Variants in ZNF676 observed in about 807,000 individuals in gnomAD.
ZNF676 encodes zinc finger protein 676.
A neutral mutation model predicts 6.0 loss-of-function variants in ZNF676; 4 were observed. The ratio of observed to expected loss-of-function variants is 0.67; its 90% CI spans 0.33 to 1.53. The LOEUF is 1.53. Ranked by LOEUF, ZNF676 falls within the 40% of genes most tolerant of loss-of-function variation. The pLI is 0.06. For synonymous variants in ZNF676, 198 were observed against 223.1 expected, an observed-to-expected ratio of 0.89 and a Z score of 1.00; for missense variants, 644 against 679.7, an observed-to-expected ratio of 0.95 and a Z score of 0.58.
At chr19:22,183,073 T>G (rs1434413011) in intron 2 of ZNF676, among the ~76,000 whole-genome samples, 1 of 152,080 alleles carries the variant, frequency 6.6e-6, no homozygotes, top group African/African-American at 2.4e-5. Flanking sequence ...TAAAATATAT[T>G]GTTTTATTTT....
At chr19:22,255,435 T>G in the ZNF676 span, among the ~76,000 whole-genome samples, 1 of 152,324 alleles carries the variant, frequency 6.6e-6, no homozygotes, top group East Asian at 1.9e-4. Flanking sequence ...ATTTTCATGC[T>G]GGTATAAACC....
chr19:22,246,219 T>C, the ZNF676 span, among the ~76,000 whole-genome samples: 4 of 152,104 alleles, frequency 2.6e-5, no homozygotes, highest in South Asian at 6.2e-4. Context: ...GCAGGGCCCA[T>C]GCAGAAGAGT....
chr19:22,235,245 G>A, the ZNF676 span, among the ~76,000 whole-genome samples: 4 of 152,142 alleles, frequency 2.6e-5, no homozygotes, highest in African/African-American at 7.2e-5. Flanking sequence ...ATTTTTCACC[G>A]ACACCTCAAG....
At chr19:22,236,839 C>A in the ZNF676 span, among the ~76,000 whole-genome samples, 8 of 152,236 alleles carry the variant, frequency 5.3e-5, no homozygotes, top group Non-Finnish European at 1.0e-4. Context: ...AGAAGTCAGA[C>A]TATTCTGATT....
chr19:22,181,191 T>C lies in ZNF676; in HGVS notation c.526A>G (p.Lys176Glu), dbSNP rs768436729. The C allele has an allele frequency of 3.7e-6, 6 of 1,613,990 alleles. No individual in the cohort carries two copies. Among genetic ancestry groups the C allele is most frequent in the Non-Finnish European group, 5.1e-6 (6 of 1,179,928 alleles). The change falls in exon 3 of 3, where the codon AAA becomes GAA. Residue 176 changes from lysine (K) to glutamate (E), a missense_variant. Lys to Glu is a moderately conservative substitution (Grantham distance 56). This residue lies in a region of ZNF676 where 280 missense variants were observed against 269.3 expected (regional missense o/e 1.04). Coordinates refer to ENST00000397121, the MANE Select transcript of ZNF676 (RefSeq NM_001001411.3). ...AGGGTTGAGGACCAGTTAAAAGCTT[T>C]GCCATTTTCTTCACATTTGTAGGAA... ...ENSYKCEENG[K>E]AFNWSSTLTY...
intron 1 of ZNF676, among the ~76,000 whole-genome samples, chr19:22,195,332 T>A (rs1181479443): frequency 2.0e-5 from 3 of 152,182 alleles, no homozygotes; most frequent in Admixed American, 1.3e-4. Flanking sequence ...GCCCCCGTCT[T>A]GGCACATTTT....
the ZNF676 span, among the ~76,000 whole-genome samples, chr19:22,237,977 C>T: frequency 6.6e-6 from 1 of 152,152 alleles, no homozygotes; most frequent in Non-Finnish European, 1.5e-5. Flanking sequence ...AGATGAGACT[C>T]TCACACAGGG....
upstream of ZNF676, among the ~76,000 whole-genome samples, chr19:22,216,493 T>A (rs1393974669): frequency 6.6e-6 from 1 of 152,122 alleles, no homozygotes; most frequent in Non-Finnish European, 1.5e-5. Flanking sequence ...ACAAAAAAGC[T>A]AAACCTAATG....
chr19:22,227,354 C>T, the ZNF676 span, among the ~76,000 whole-genome samples: 2 of 152,060 alleles, frequency 1.3e-5, no homozygotes, highest in Non-Finnish European at 2.9e-5. Flanking sequence ...GGGTCACAGA[C>T]AAAGCAGTGC....
chr19:22,255,995 A>G, the ZNF676 span, among the ~76,000 whole-genome samples: 2 of 152,292 alleles, frequency 1.3e-5, no homozygotes, highest in East Asian at 3.9e-4. Flanking sequence ...GAGGGTCACA[A>G]TTTTAACAGG....
chr19:22,242,595 T>C, the ZNF676 span, among the ~76,000 whole-genome samples: 1 of 151,938 alleles, frequency 6.6e-6, no homozygotes, highest in Non-Finnish European at 1.5e-5. Context: ...ATAACTTAGA[T>C]GCTGAGCCTA....
In ZNF676 at chr19:22,179,646, A is replaced by C. The variant is rs2023698609; in HGVS notation, c.*304T>G. The C allele has an allele frequency of 3.7e-6, 2 of 546,874 alleles. No individual in the cohort carries two copies. The highest frequency in any genetic ancestry group is 6.8e-6 in the Non-Finnish European group (2 of 295,372). The allele number at this position is 546,874 out of a possible 1,614,324, so 33.9% of individuals were successfully genotyped here. On this transcript the variant is annotated 3_prime_UTR_variant, in exon 3 of 3. Coordinates refer to ENST00000397121, the MANE Select transcript of ZNF676 (RefSeq NM_001001411.3). Reference sequence around the variant, plus strand: ...CTTTTCCTCCAGTATGAATTCTTTTATGAGTAGTAAGGTGTGAGGAACAGT... The same window carrying C: ...CTTTTCCTCCAGTATGAATTCTTTTCTGAGTAGTAAGGTGTGAGGAACAGT...
rs2023718073 is a variant in ZNF676, at chr19:22,180,424, G to A, written c.1293C>T (p.Ser431=). The A allele has an allele frequency of 6.2e-7, 1 of 1,612,694 alleles. No individual in the cohort carries two copies. The highest frequency in any genetic ancestry group is 1.3e-5 in the African/African-American group (1 of 74,682). The part of the protein sequence containing the change: ...YKCEECGKAF[S]WSSSLTEHKR... ...TGTGTTCAGTAAGGCTTGAGGACCAGCTGAAGGCTTTGCCACATTCTTCAC... is the reference window on the plus strand; with the variant it reads ...TGTGTTCAGTAAGGCTTGAGGACCAACTGAAGGCTTTGCCACATTCTTCAC... Residue 431 remains serine, a synonymous_variant, in exon 3 of 3, where the codon AGC becomes AGT. Coordinates refer to ENST00000397121, the MANE Select transcript of ZNF676 (RefSeq NM_001001411.3).
Position 22,180,648 on chromosome 19 carries a change from T to A in ZNF676, c.1069A>T (p.Ile357Phe). 1 of 1,612,690 alleles carries A rather than the reference T, an allele frequency of 6.2e-7. No homozygotes were observed. The highest frequency in any genetic ancestry group is 2.2e-5 in the East Asian group (1 of 44,798). ...TAGGGTTTCTCTCCAGTATGAATAA[T>A]CTTATGTTTAGTAAGGATTGAGGAT... ...NRSSILTKHK[I>F]IHTGEKPYKC... Residue 357 changes from isoleucine (I) to phenylalanine (F), a missense_variant, in exon 3 of 3, where the codon ATT becomes TTT. Physicochemically the swap from Ile to Phe is conservative, Grantham distance 21. Coordinates refer to ENST00000397121, the MANE Select transcript of ZNF676 (RefSeq NM_001001411.3).
Position 22,179,602 on chromosome 19 carries a change from G to T in ZNF676, c.*348C>A. The T allele has an allele frequency of 4.6e-6, 2 of 437,170 alleles. No homozygotes were observed. The highest frequency in any genetic ancestry group is 5.4e-5 in the East Asian group (1 of 18,478). 27.1% of individuals were successfully genotyped at this position (437,170 alleles called of 1,614,324 possible). ...GAGAACTAATGAAAAGCTTTGCCAC[G>T]TTTTTCACATTTGTAGGGCTTTTCC... On this transcript the variant is annotated 3_prime_UTR_variant, in exon 3 of 3. Coordinates refer to ENST00000397121, the MANE Select transcript of ZNF676 (RefSeq NM_001001411.3).
chr19:22,233,649 C>A, the ZNF676 span, among the ~76,000 whole-genome samples: 1 of 152,258 alleles, frequency 6.6e-6, no homozygotes, highest in African/African-American at 2.4e-5. Flanking sequence ...AGTCTCTCTG[C>A]TGCTGTAACA....
chr19:22,238,093 C>G, the ZNF676 span, among the ~76,000 whole-genome samples: 1 of 152,160 alleles, frequency 6.6e-6, no homozygotes, highest in African/African-American at 2.4e-5. Context: ...CTTAGGACAA[C>G]CAGCTTCATT....
chr19:22,210,149 C>G (rs1390463452), intron 1 of ZNF676, among the ~76,000 whole-genome samples: 2 of 152,114 alleles, frequency 1.3e-5, no homozygotes, highest in African/African-American at 4.8e-5. Context: ...TTCCCATTCC[C>G]AGACACCCGG....
rs376239445 is a variant in ZNF676, at chr19:22,194,521, C to T, written c.35-1410G>A. 1.7e-3 allele frequency among the ~76,000 whole-genome samples: 258 copies of T among 152,184 alleles called. 1 individual carries two copies. Among genetic ancestry groups the T allele is most frequent in the African/African-American group, 6.0e-3 (250 of 41,536 alleles). On this transcript the variant is annotated intron_variant, in intron 1 of 2. Coordinates refer to ENST00000397121, the MANE Select transcript of ZNF676 (RefSeq NM_001001411.3). Reference sequence around the variant, plus strand: ...CAAACCCTAAAGTGGGAAAATGTTACAACTGTGGAAAAACTGGACATTTCA... The same window carrying T: ...CAAACCCTAAAGTGGGAAAATGTTATAACTGTGGAAAAACTGGACATTTCA...
Sources: allele counts gnomAD v4.1 joint callset (sites outside exome capture counted in the v4.1 genomes callset), GRCh38; gene constraint gnomAD v4.1.1; regional missense constraint gnomAD v4.1.1; transcripts MANE v1.5; gene names NCBI Gene and HGNC (gene_info 2026-07-23, HGNC 2026-07-21).